HEMK2: variants seen among roughly 807,000 people sequenced by gnomAD.
HEMK2 encodes HemK methyltransferase 2, ETF1 glutamine and histone H4 lysine.
At chr21:28,634,039 A>G in the HEMK2 span, among the ~76,000 whole-genome samples, 4 of 152,180 alleles carry the variant, frequency 2.6e-5, no homozygotes, top group Non-Finnish European at 5.9e-5. Flanking sequence ...CATGTTCGGG[A>G]ACTCCTTTCC....
the HEMK2 span, chr21:28,577,416 A>C: frequency 3.9e-5 from 6 of 152,220 alleles, no homozygotes; most frequent in East Asian, 1.2e-3. Context: ...ACCATGTTTC[A>C]TGAAAAAGAC....
chr21:28,778,180 A>G, the HEMK2 span, among the ~76,000 whole-genome samples: 2 of 152,186 alleles, frequency 1.3e-5, no homozygotes, highest in South Asian at 4.1e-4. Context: ...CAATTCTAAA[A>G]TTTTGTCAAA....
chr21:28,645,995 C>T, the HEMK2 span, among the ~76,000 whole-genome samples: 4 of 152,028 alleles, frequency 2.6e-5, no homozygotes, highest in Admixed American at 1.3e-4. Context: ...AGCTGGGATT[C>T]GGAATTTTTA....
chr21:28,868,008 G>A, the HEMK2 span, among the ~76,000 whole-genome samples: 1 of 152,028 alleles, frequency 6.6e-6, no homozygotes, highest in African/African-American at 2.4e-5. Flanking sequence ...TTCCCTTTGT[G>A]TATAATCACT....
the HEMK2 span, among the ~76,000 whole-genome samples, chr21:28,812,281 G>A: frequency 6.6e-6 from 1 of 152,082 alleles, no homozygotes; most frequent in African/African-American, 2.4e-5. Context: ...CTGTGGGTTG[G>A]TCATAAATTG....
the HEMK2 span, among the ~76,000 whole-genome samples, chr21:28,767,543 A>C: frequency 4.4e-4 from 66 of 150,080 alleles, no homozygotes; most frequent in East Asian, 3.0e-3. Flanking sequence ...GGTAGTCGTT[A>C]AACAATTGGC....
the HEMK2 span, among the ~76,000 whole-genome samples, chr21:28,596,642 T>G: frequency 4.6e-5 from 7 of 152,230 alleles, no homozygotes; most frequent in East Asian, 7.7e-4. Flanking sequence ...TTATTTTTCT[T>G]TTGAGAAAAC....
chr21:28,633,184 G>A, the HEMK2 span, among the ~76,000 whole-genome samples: 1 of 152,164 alleles, frequency 6.6e-6, no homozygotes, highest in African/African-American at 2.4e-5. Context: ...CTGAACCTGT[G>A]TACTGAAAGG....
At chr21:28,755,060 G>A in the HEMK2 span, among the ~76,000 whole-genome samples, 1 of 152,152 alleles carries the variant, frequency 6.6e-6, no homozygotes, top group Admixed American at 6.5e-5. Context: ...GAGTGCTCTA[G>A]GCAAAGGCAG....
chr21:28,858,783 G>A, the HEMK2 span, among the ~76,000 whole-genome samples: 1 of 152,182 alleles, frequency 6.6e-6, no homozygotes, highest in East Asian at 1.9e-4. Flanking sequence ...CATGCCAGGA[G>A]TTCAATGTCA....
the HEMK2 span, among the ~76,000 whole-genome samples, chr21:28,726,616 A>T: frequency 2.6e-5 from 4 of 152,188 alleles, no homozygotes; most frequent in African/African-American, 9.6e-5. Context: ...ACCGTCAAAG[A>T]TTATTTTCAG....
At chr21:28,878,958 A>G in the HEMK2 span, among the ~76,000 whole-genome samples, 1 of 148,122 alleles carries the variant, frequency 6.8e-6, no homozygotes, top group African/African-American at 2.4e-5. Context: ...TATTTATTAT[A>G]TATTATATAA....
At chr21:28,853,657 G>C in the HEMK2 span, among the ~76,000 whole-genome samples, 9 of 152,282 alleles carry the variant, frequency 5.9e-5, no homozygotes, top group East Asian at 1.7e-3. Flanking sequence ...AACTGCCTCA[G>C]GGGAGGCCAT....
chr21:28,689,272 ATGT>A, the HEMK2 span, among the ~76,000 whole-genome samples: 1 of 152,218 alleles, frequency 6.6e-6, no homozygotes, highest in South Asian at 2.1e-4. Flanking sequence ...CAAATTGTAG[ATGT>A]TAAGACATAA....
the HEMK2 span, among the ~76,000 whole-genome samples, chr21:28,645,169 A>C: frequency 6.6e-6 from 1 of 152,182 alleles, no homozygotes; most frequent in Admixed American, 6.5e-5. Context: ...GACTCTGTTT[A>C]ATTCTCCATG....
the HEMK2 span, among the ~76,000 whole-genome samples, chr21:28,581,203 C>T: frequency 1.5e-3 from 229 of 149,700 alleles, no homozygotes; most frequent in African/African-American, 5.4e-3. Context: ...GATTCATTAT[C>T]AGTTTGGTGC....
chr21:28,885,027 G>C, the HEMK2 span, among the ~76,000 whole-genome samples: 1 of 152,070 alleles, frequency 6.6e-6, no homozygotes, highest in Non-Finnish European at 1.5e-5. Flanking sequence ...ATGCGTCCCC[G>C]GCACACTCAT....
chr21:28,585,929 T>C, the HEMK2 span, among the ~76,000 whole-genome samples: 6 of 152,246 alleles, frequency 3.9e-5, no homozygotes, highest in South Asian at 2.1e-4. Context: ...AAGGCACAGA[T>C]AGTTTAATCC....
chr21:28,831,199 C>G, the HEMK2 span, among the ~76,000 whole-genome samples: 3 of 151,844 alleles, frequency 2.0e-5, no homozygotes, highest in African/African-American at 7.3e-5. Flanking sequence ...AATCCCAGCA[C>G]TTTGGGAGGC....
Sources: gnomAD v4.1 joint callset for allele counts (sites outside exome capture counted in the v4.1 genomes callset) on GRCh38, gnomAD v4.1.1 for gene constraint, MANE v1.5 for transcripts, NCBI Gene and HGNC (gene_info 2026-07-23, HGNC 2026-07-21) for gene names.